The following LSAMP variants were observed in gnomAD, a reference collection of about 807,000 sequenced individuals.
LSAMP encodes limbic system associated membrane protein.
A neutral mutation model predicts 38.6 loss-of-function variants in LSAMP; 7 were observed. The ratio of observed to expected loss-of-function variants is 0.18; its 90% confidence interval spans 0.10 to 0.34. LSAMP has a LOEUF of 0.34. LSAMP is among the 10% of genes least tolerant of loss of function. The pLI is 1.00. For missense variants in LSAMP, 313 were observed against 420.0 expected (o/e 0.75, Z 2.23); for synonymous variants, 154 against 166.8 (o/e 0.92, Z 0.59).
chr3:115,977,536 C>G (rs1290871835), intron 3 of LSAMP, among the ~76,000 whole-genome samples: 3 of 152,150 alleles, frequency 2.0e-5, no homozygotes, highest in African/African-American at 7.2e-5. Context: ...AATTCAATTC[C>G]TTTGCTCAGA....
At chr3:116,254,792 A>G (rs577841339) in intron 1 of LSAMP, among the ~76,000 whole-genome samples, 1 of 152,314 alleles carries the variant, frequency 6.6e-6, no homozygotes, top group Non-Finnish European at 1.5e-5. Context: ...AGATTGCTCA[A>G]CAATGTATTT....
intron 3 of LSAMP, among the ~76,000 whole-genome samples, chr3:115,994,729 A>G (rs1385557694): frequency 6.6e-6 from 1 of 152,120 alleles, no homozygotes; most frequent in East Asian, 1.9e-4. Context: ...ACTAGAATGA[A>G]AAATGAAATT....
At chr3:115,837,141 GC>G (rs1047512151) in intron 6 of LSAMP, among the ~76,000 whole-genome samples, 2 of 152,100 alleles carry the variant, frequency 1.3e-5, no homozygotes, top group African/African-American at 4.8e-5. Flanking sequence ...AAATGGGGAG[GC>G]CCTCATTATA....
chr3:116,392,274 A>G (rs1252688794), intron 1 of LSAMP, among the ~76,000 whole-genome samples: 11 of 152,126 alleles, frequency 7.2e-5, no homozygotes, highest in Non-Finnish European at 1.6e-4. Flanking sequence ...AGACTCAGGC[A>G]TCTCTGCACT....
intron 3 of LSAMP, among the ~76,000 whole-genome samples, chr3:115,992,656 T>C (rs1939705054): frequency 6.6e-6 from 1 of 152,142 alleles, no homozygotes; most frequent in South Asian, 2.1e-4. Flanking sequence ...TGTGTATTGA[T>C]GGTCTTTCTA....
At position 115,852,694 on chromosome 3, in the gene LSAMP, A is replaced by G. The variant is rs764282913; in HGVS notation, c.515-77T>C. 3 of 1,341,068 alleles carry G rather than the reference A, an allele frequency of 2.2e-6. No homozygotes were observed. In the East Asian group the frequency reaches 7.6e-5, roughly 34 times the overall value. 83.1% of individuals were successfully genotyped at this position (1,341,068 alleles called of 1,614,324 possible). On this transcript the variant is annotated intron_variant, in intron 3 of 6. Coordinates refer to ENST00000490035, the MANE Select transcript of LSAMP (RefSeq NM_002338.5). ...AGATCCTCTCATTATTCTTTTTAAAAGCCATAAATCCACATTTCTTTTCAA... is the reference window on the plus strand; with the variant it reads ...AGATCCTCTCATTATTCTTTTTAAAGGCCATAAATCCACATTTCTTTTCAA...
intron 1 of LSAMP, among the ~76,000 whole-genome samples, chr3:116,351,316 T>C (rs7634137): frequency 0.33 from 49,991 of 151,790 alleles, 11,879 homozygotes; most frequent in African/African-American, 0.68. Flanking sequence ...TGCCATTAAA[T>C]AGGAAAATGA....
chr3:116,142,844 C>T (rs1000244074), intron 1 of LSAMP, among the ~76,000 whole-genome samples: 5 of 151,790 alleles, frequency 3.3e-5, no homozygotes, highest in Admixed American at 1.3e-4. Context: ...GTGATATCAG[C>T]CCTTTAGGCT....
At chr3:116,428,072 G>C (rs1354586537) in intron 1 of LSAMP, among the ~76,000 whole-genome samples, 1 of 151,802 alleles carries the variant, frequency 6.6e-6, no homozygotes, top group Non-Finnish European at 1.5e-5. Flanking sequence ...TTCCATTTAC[G>C]CTCTACTTTA....
intron 1 of LSAMP, among the ~76,000 whole-genome samples, chr3:116,285,794 C>A (rs1419251643): frequency 6.6e-6 from 1 of 152,044 alleles, no homozygotes; most frequent in African/African-American, 2.4e-5. Flanking sequence ...TCCTTCCACT[C>A]CTCACCCCAC....
intron 6 of LSAMP, among the ~76,000 whole-genome samples, chr3:115,818,753 TTATATA>T (rs200161366): frequency 2.6e-5 from 3 of 113,464 alleles, no homozygotes; most frequent in African/African-American, 9.2e-5. Context: ...ATATAATAAA[TTATATA>T]TATATATAAG....
intron 3 of LSAMP, among the ~76,000 whole-genome samples, chr3:115,863,225 G>A (rs552586562): frequency 6.6e-6 from 1 of 152,158 alleles, no homozygotes; most frequent in Non-Finnish European, 1.5e-5. Flanking sequence ...AGAAGAAAAG[G>A]CCACCTCAGA....
chr3:116,114,737 G>A (rs1295653760), intron 1 of LSAMP, among the ~76,000 whole-genome samples: 1 of 152,208 alleles, frequency 6.6e-6, no homozygotes, highest in East Asian at 1.9e-4. Context: ...AGCACTGAAA[G>A]TGAATCCCTT....
intron 3 of LSAMP, among the ~76,000 whole-genome samples, chr3:115,927,377 T>C (rs1937515793): frequency 1.3e-5 from 2 of 152,128 alleles, no homozygotes; most frequent in Non-Finnish European, 2.9e-5. Context: ...AAATAACAGA[T>C]GTTCATTGAG....
intron 1 of LSAMP, among the ~76,000 whole-genome samples, chr3:116,204,042 C>T (rs2046029202): frequency 6.6e-6 from 1 of 151,552 alleles, no homozygotes; most frequent in Non-Finnish European, 1.5e-5. Flanking sequence ...TCCTATTTCT[C>T]CACATCCTCT....
At chr3:115,876,228 A>T (rs1936175306) in intron 3 of LSAMP, among the ~76,000 whole-genome samples, 2 of 148,744 alleles carry the variant, frequency 1.3e-5, no homozygotes, top group South Asian at 2.1e-4. Flanking sequence ...TTCCTCATTC[A>T]CTTTTGCTAA....
chr3:116,413,157 T>TTA (rs2049002408), intron 1 of LSAMP, among the ~76,000 whole-genome samples: 1 of 152,000 alleles, frequency 6.6e-6, no homozygotes, highest in Non-Finnish European at 1.5e-5. Flanking sequence ...AACCCTAAGA[T>TTA]TATACCATTA....
chr3:116,117,289 C>T (rs1025775791), intron 1 of LSAMP, among the ~76,000 whole-genome samples: 1 of 152,054 alleles, frequency 6.6e-6, no homozygotes, highest in Non-Finnish European at 1.5e-5. Flanking sequence ...ATTGCAGGAG[C>T]CCCTCATGTC....
At chr3:115,842,231 G>T (rs1576135977) in intron 5 of LSAMP, among the ~76,000 whole-genome samples, 2 of 152,346 alleles carry the variant, frequency 1.3e-5, no homozygotes, top group South Asian at 2.1e-4. Flanking sequence ...AGACATGCAG[G>T]TGAAAGCTAC....
Sources: gnomAD v4.1 joint callset for allele counts (sites outside exome capture counted in the v4.1 genomes callset) on GRCh38, gnomAD v4.1.1 for gene constraint, MANE v1.5 for transcripts, NCBI Gene and HGNC (gene_info 2026-07-23, HGNC 2026-07-21) for gene names.